SUPT3H: variants seen among roughly 807,000 people sequenced by gnomAD.
The protein encoded by SUPT3H is transcription initiation protein SPT3 homolog.
In SUPT3H, 44 loss-of-function variants were observed where a neutral mutation model predicts 44.3. The observed-to-expected ratio is 0.99, with a 90% CI of 0.78 to 1.28. SUPT3H has a LOEUF of 1.28. Ranked by LOEUF, SUPT3H falls within the 50% of genes most tolerant of loss-of-function variation. The pLI, the probability that SUPT3H is intolerant of heterozygous loss-of-function variation, is 0.00. For synonymous variants in SUPT3H, 124 were observed against 125.6 expected (o/e 0.99, Z 0.09); for missense variants, 380 against 387.1 (o/e 0.98, Z 0.15).
At chr6:45,084,219 G>A (rs1297579598) in intron 3 of SUPT3H, among the ~76,000 whole-genome samples, 1 of 152,052 alleles carries the variant, frequency 6.6e-6, no homozygotes, top group Non-Finnish European at 1.5e-5. Flanking sequence ...TTGCAGAATG[G>A]GAGAAAACAT....
At chr6:45,353,373 G>A (rs1410177872) in intron 2 of SUPT3H, among the ~76,000 whole-genome samples, 3 of 151,956 alleles carry the variant, frequency 2.0e-5, no homozygotes, top group African/African-American at 7.2e-5. Flanking sequence ...GGATGGACTT[G>A]AACTATAATA....
intron 2 of SUPT3H, among the ~76,000 whole-genome samples, chr6:45,237,860 T>A (rs1361028004): frequency 6.6e-6 from 1 of 152,198 alleles, no homozygotes; most frequent in East Asian, 1.9e-4. Flanking sequence ...GAGCCATTAA[T>A]TCAGTTATAC....
At chr6:45,063,156 G>A (rs1418476368) in intron 3 of SUPT3H, among the ~76,000 whole-genome samples, 2 of 145,888 alleles carry the variant, frequency 1.4e-5, no homozygotes, top group East Asian at 4.1e-4. Flanking sequence ...CCTGACCCCT[G>A]ACCCCCGAGC....
intron 3 of SUPT3H, among the ~76,000 whole-genome samples, chr6:45,053,632 T>A (rs973692941): frequency 2.0e-5 from 3 of 150,338 alleles, no homozygotes; most frequent in African/African-American, 7.4e-5. Context: ...GGTGCAGTGG[T>A]TCATGCCTGT....
intron 2 of SUPT3H, among the ~76,000 whole-genome samples, chr6:45,307,368 C>A (rs902448991): frequency 1.3e-5 from 2 of 152,332 alleles, no homozygotes; most frequent in East Asian, 1.9e-4. Context: ...AGGCACCCCC[C>A]AGTAGGGGCA....
intron 3 of SUPT3H, among the ~76,000 whole-genome samples, chr6:45,052,928 T>G (rs1790525031): frequency 6.7e-6 from 1 of 149,628 alleles, no homozygotes; most frequent in Non-Finnish European, 1.5e-5. Context: ...GATATGAGAG[T>G]GAATAGAGTG....
chr6:45,367,700 T>A (rs1795381622), intron 1 of SUPT3H, among the ~76,000 whole-genome samples: 1 of 152,198 alleles, frequency 6.6e-6, no homozygotes, highest in Non-Finnish European at 1.5e-5. Flanking sequence ...ACTTGTCTGA[T>A]TTGACAGACA....
chr6:45,252,099 G>A (rs540080251), intron 2 of SUPT3H, among the ~76,000 whole-genome samples: 1 of 152,092 alleles, frequency 6.6e-6, no homozygotes. Context: ...AAGAATGGAT[G>A]AGAAAATACT....
rs73735229 is a variant in SUPT3H at position 44,857,959 on chromosome 6, G to T, written c.913-28102C>A. ...TCCAGCCTCTATACTTTATATTCATGCTGATGAGTCTGTTCTTCCTGGTTA... is the reference window on the plus strand; with the variant it reads ...TCCAGCCTCTATACTTTATATTCATTCTGATGAGTCTGTTCTTCCTGGTTA... On this transcript the variant is annotated intron_variant, in intron 10 of 10. Transcript: ENST00000371459. Among the ~76,000 whole-genome samples the T allele has an allele frequency of 4.4e-3, 666 of 152,218 alleles. 8 individuals carry two copies. The highest frequency in any genetic ancestry group is 0.015 in the African/African-American group (636 of 41,530).
At chr6:45,141,677 A>G (rs1296874707) in intron 2 of SUPT3H, among the ~76,000 whole-genome samples, 2 of 152,110 alleles carry the variant, frequency 1.3e-5, no homozygotes, top group Non-Finnish European at 2.9e-5. Flanking sequence ...AAGTGCAGAC[A>G]GCCTCCAAGA....
At chr6:45,195,372 A>C (rs1269848944) in intron 2 of SUPT3H, among the ~76,000 whole-genome samples, 1 of 152,122 alleles carries the variant, frequency 6.6e-6, no homozygotes, top group Non-Finnish European at 1.5e-5. Context: ...GGAATGCCTG[A>C]CTGGTGGGAC....
intron 6 of SUPT3H, among the ~76,000 whole-genome samples, chr6:44,984,670 G>T (rs141770252): frequency 6.6e-6 from 1 of 152,082 alleles, no homozygotes; most frequent in Non-Finnish European, 1.5e-5. Context: ...AACTCCCATC[G>T]CAACTTTGCT....
At chr6:45,054,006 G>C (rs1276077042) in intron 3 of SUPT3H, among the ~76,000 whole-genome samples, 1 of 151,074 alleles carries the variant, frequency 6.6e-6, no homozygotes, top group Non-Finnish European at 1.5e-5. Context: ...TATACCCAGA[G>C]AGAGGGAATG....
chr6:45,330,044 A>G (rs1379005786), intron 2 of SUPT3H, among the ~76,000 whole-genome samples: 1 of 151,866 alleles, frequency 6.6e-6, no homozygotes, highest in Non-Finnish European at 1.5e-5. Context: ...TTTAGGTCAA[A>G]CAGAAATAAT....
At chr6:45,163,496 T>C (rs1809366084) in intron 2 of SUPT3H, among the ~76,000 whole-genome samples, 1 of 152,166 alleles carries the variant, frequency 6.6e-6, no homozygotes, top group Non-Finnish European at 1.5e-5. Context: ...ACGTAAAAGC[T>C]GGATTATTGG....
chr6:44,976,348 T>C (rs1179125755), intron 6 of SUPT3H, among the ~76,000 whole-genome samples: 1 of 151,196 alleles, frequency 6.6e-6, no homozygotes, highest in East Asian at 2.0e-4. Flanking sequence ...TGTCTACACA[T>C]TTGGAAAATT....
intron 2 of SUPT3H, among the ~76,000 whole-genome samples, chr6:45,242,842 A>G (rs1770618828): frequency 6.6e-6 from 1 of 152,198 alleles, no homozygotes; most frequent in Non-Finnish European, 1.5e-5. Flanking sequence ...AGAAAAGTCA[A>G]TAGAAACAGA....
intron 2 of SUPT3H, among the ~76,000 whole-genome samples, chr6:45,178,307 CAA>C (rs1470395543): frequency 3.3e-5 from 5 of 151,988 alleles, no homozygotes; most frequent in African/African-American, 4.8e-5. Flanking sequence ...CAACAAAGAT[CAA>C]AAGAGACAAG....
At chr6:44,835,019 A>AT (rs1769562566) in intron 10 of SUPT3H, among the ~76,000 whole-genome samples, 1 of 152,126 alleles carries the variant, frequency 6.6e-6, no homozygotes, top group African/African-American at 2.4e-5. Context: ...AGAATCACTT[A>AT]ATTTTCCTGA....
Sources: gnomAD v4.1 joint callset for allele counts (sites outside exome capture counted in the v4.1 genomes callset) on GRCh38, gnomAD v4.1.1 for gene constraint, MANE v1.5 for transcripts, NCBI Gene and HGNC (gene_info 2026-07-23, HGNC 2026-07-21) for gene names.